The following TDRD9 variants were observed in gnomAD, a reference collection of about 807,000 sequenced individuals.
TDRD9 encodes the protein ATP-dependent RNA helicase TDRD9.
In TDRD9, 124 loss-of-function variants were observed where a neutral mutation model predicts 172.6. That is an observed-to-expected ratio of 0.72 (90% CI 0.62 to 0.83). The LOEUF (loss-of-function observed/expected upper bound fraction) is 0.83. Ranked by LOEUF, TDRD9 falls within the 40% of genes least tolerant of loss-of-function variation. The probability of loss-of-function intolerance (pLI) is 0.00; values close to 1 mark genes in which losing one functional copy is unlikely to be tolerated. For missense variants in TDRD9, 1,479 were observed against 1,714.1 expected, an observed-to-expected ratio of 0.86 and a Z score of 2.42; for synonymous variants, 619 against 617.1, an observed-to-expected ratio of 1.00 and a Z score of -0.05.
intron 32 of TDRD9, 109 bp from the exon 33 acceptor site, chr14:104,040,087 A>G (rs1337976068): frequency 9.7e-7 from 1 of 1,032,136 alleles, no homozygotes; most frequent in Non-Finnish European, 1.3e-6. Context: ...TAATTGCTGT[A>G]CTAGGGCTGG....
At chr14:104,005,526 C>T in intron 15 of TDRD9, 121 bp downstream of exon 15, 1 of 1,039,038 alleles carries the variant, frequency 9.6e-7, no homozygotes, top group Non-Finnish European at 1.4e-6. Context: ...TTCCCGCTAA[C>T]TCTGTTCCTC....
intron 15 of TDRD9, among the ~76,000 whole-genome samples, chr14:104,006,186 T>TA (rs1566777325): frequency 2.6e-5 from 4 of 151,398 alleles, no homozygotes; most frequent in Admixed American, 1.3e-4. Context: ...ATCATACTTT[T>TA]AAAAAAAAAG....
intron 1 of TDRD9, among the ~76,000 whole-genome samples, chr14:103,952,870 G>A (rs1453740177): frequency 1.3e-5 from 2 of 151,416 alleles, no homozygotes; most frequent in African/African-American, 4.8e-5. Context: ...CTCCCGAGTA[G>A]CTGGGATTAC....
At chr14:104,048,021 G>A (rs1050003235) in intron 34 of TDRD9, among the ~76,000 whole-genome samples, 4 of 152,144 alleles carry the variant, frequency 2.6e-5, no homozygotes, top group African/African-American at 9.7e-5. Context: ...TCTTCTGTGT[G>A]TGGGCCACAC....
Position 104,006,428 on chromosome 14 carries a change from A to G in TDRD9, c.1753A>G (p.Asn585Asp), listed in dbSNP as rs2034438934. 2 of 1,613,750 alleles carry G rather than the reference A, an allele frequency of 1.2e-6. No individual in the cohort carries two copies. Among genetic ancestry groups the G allele is most frequent in the Non-Finnish European group, 1.7e-6 (2 of 1,179,854 alleles). Reference sequence around the variant, plus strand: ...AGTGAGTGGGCAGAGAGAAGATGAAAACCCCCATGATGGTGAATTGACCTT... The same window carrying G: ...AGTGAGTGGGCAGAGAGAAGATGAAGACCCCCATGATGGTGAATTGACCTT... ...LAVSGQREDE[N>D]PHDGELTFLG... The change falls in exon 16 of 36, where the codon AAC becomes GAC. Residue 585 changes from asparagine to aspartate, a missense_variant. By Grantham distance (23) the Asn-to-Asp change is conservative (BLOSUM62 1). Around this residue, in one of 3 missense-constraint regions of TDRD9, gnomAD observed 1,413 missense variants for 1,649.1 expected, o/e 0.86. Transcript: ENST00000409874.
At chr14:103,946,784 C>G (rs1351184279) in intron 1 of TDRD9, among the ~76,000 whole-genome samples, 1 of 152,190 alleles carries the variant, frequency 6.6e-6, no homozygotes, top group Non-Finnish European at 1.5e-5. Flanking sequence ...AATTACAAAA[C>G]TATTCTATTG....
At chr14:104,001,894 A>T (rs1466290814) in intron 13 of TDRD9, among the ~76,000 whole-genome samples, 1 of 150,710 alleles carries the variant, frequency 6.6e-6, no homozygotes, top group Non-Finnish European at 1.5e-5. Context: ...GGCATGAGCC[A>T]CTGTGCCCGG....
intron 23 of TDRD9, among the ~76,000 whole-genome samples, chr14:104,020,898 G>A (rs951311889): frequency 6.6e-6 from 1 of 152,094 alleles, no homozygotes; most frequent in African/African-American, 2.4e-5. Flanking sequence ...TTTGCTCCAT[G>A]CCTGCTCCTC....
intron 35 of TDRD9, among the ~76,000 whole-genome samples, chr14:104,050,709 C>G (rs2035913999): frequency 1.3e-5 from 2 of 152,186 alleles, no homozygotes; most frequent in Non-Finnish European, 2.9e-5. Context: ...GCAGCCGGCC[C>G]CATTGTGTGC....
At chr14:104,031,780 A>G (rs981588749) in intron 29 of TDRD9, among the ~76,000 whole-genome samples, 1 of 105,798 alleles carries the variant, frequency 9.5e-6, no homozygotes, top group African/African-American at 2.8e-5. Flanking sequence ...TTTGTTGTCC[A>G]AAGGCTTTCT....
chr14:103,972,152 C>T (rs1323560161), intron 6 of TDRD9, among the ~76,000 whole-genome samples: 1 of 151,368 alleles, frequency 6.6e-6, no homozygotes, highest in East Asian at 1.9e-4. Flanking sequence ...GACCCTGTCT[C>T]AAGAATTAGC....
intron 33 of TDRD9, among the ~76,000 whole-genome samples, chr14:104,040,590 G>C (rs2035584832): frequency 6.6e-6 from 1 of 152,170 alleles, no homozygotes; most frequent in South Asian, 2.1e-4. Context: ...GTGTCTCCTG[G>C]CATAAGCTTT....
chr14:103,966,364 G>C (rs1296871531), intron 4 of TDRD9, among the ~76,000 whole-genome samples: 1 of 152,196 alleles, frequency 6.6e-6, no homozygotes, highest in East Asian at 1.9e-4. Flanking sequence ...AAAATAAATT[G>C]TAATTTCTTT....
intron 20 of TDRD9, among the ~76,000 whole-genome samples, chr14:104,013,399 A>G (rs2034675500): frequency 6.6e-6 from 1 of 152,168 alleles, no homozygotes; most frequent in South Asian, 2.1e-4. Context: ...AAAGCCGTAC[A>G]TGTTCATGGC....
chr14:103,966,461 G>A (rs2032751714), intron 4 of TDRD9, among the ~76,000 whole-genome samples: 1 of 152,164 alleles, frequency 6.6e-6, no homozygotes, highest in African/African-American at 2.4e-5. Context: ...TCTAGAAGAT[G>A]TCTTGATACA....
rs1031757099 is a variant in TDRD9 at position 103,977,584 on chromosome 14, G to A, written c.1011+2031G>A. On this transcript the variant is annotated intron_variant, in intron 7 of 35. Coordinates refer to ENST00000409874, the MANE Select transcript of TDRD9 (RefSeq NM_153046.3). ...TCTGGGTATTAATCCCTTGTCAGAT[G>A]AATAGTTTGCAAATGTTTCCCCCCA... Among the ~76,000 whole-genome samples the A allele has an allele frequency of 6.2e-5, 9 of 144,370 alleles. No individual in the cohort carries two copies. The East Asian group carries it at 1.8e-3, about 29-fold the overall frequency. 94.7% of individuals were successfully genotyped at this position (144,370 alleles called of 152,430 possible). A position where few individuals can be genotyped will look rare whatever the true frequency, so the allele number is the denominator to read the frequency against.
chr14:104,037,015 T>G (rs1364464189), intron 32 of TDRD9, among the ~76,000 whole-genome samples: 1 of 152,208 alleles, frequency 6.6e-6, no homozygotes, highest in Non-Finnish European at 1.5e-5. Flanking sequence ...GGTCTCACTC[T>G]GTCTCTAAGG....
Position 103,973,964 on chromosome 14 carries a change from G to A in TDRD9, c.847-1425G>A, listed in dbSNP as rs1472876745. ...TGTAATCCCAGCACTTTGGGAGGCCGAGGTGGGCAGATCGCCTGAGCTCAC... is the reference window on the plus strand; with the variant it reads ...TGTAATCCCAGCACTTTGGGAGGCCAAGGTGGGCAGATCGCCTGAGCTCAC... On this transcript the variant is annotated intron_variant, in intron 6 of 35. Coordinates refer to ENST00000409874, the MANE Select transcript of TDRD9 (RefSeq NM_153046.3). 5.9e-5 allele frequency among the ~76,000 whole-genome samples: 9 copies of A among 152,292 alleles called. No homozygotes were observed. In the Middle Eastern group the frequency reaches 0.014, roughly 230 times the overall value.
chr14:103,934,339 TC>T (rs1751982146), intron 1 of TDRD9, among the ~76,000 whole-genome samples: 1 of 152,224 alleles, frequency 6.6e-6, no homozygotes, highest in Non-Finnish European at 1.5e-5. Flanking sequence ...GACCTTTTGG[TC>T]GTTTAACAGA....
Sources: allele counts gnomAD v4.1 joint callset (sites outside exome capture counted in the v4.1 genomes callset), GRCh38; gene constraint gnomAD v4.1.1; regional missense constraint gnomAD v4.1.1; transcripts MANE v1.5; gene names NCBI Gene and HGNC (gene_info 2026-07-23, HGNC 2026-07-21).